DOCK5: variants seen among roughly 807,000 people sequenced by gnomAD.
DOCK5 encodes the protein dedicator of cytokinesis 5.
In DOCK5, 142 loss-of-function variants were observed where a neutral mutation model predicts 251.8. The ratio of observed to expected loss-of-function variants is 0.56; its 90% confidence interval spans 0.49 to 0.65. DOCK5 has a LOEUF of 0.65. DOCK5 is among the 30% of genes least tolerant of loss of function. The probability of loss-of-function intolerance (pLI) is 0.00; values close to 1 mark genes in which losing one functional copy is unlikely to be tolerated. For synonymous variants in DOCK5, 842 were observed against 835.5 expected, an observed-to-expected ratio of 1.01 and a Z score of -0.13; for missense variants, 2,111 against 2,312.3, an observed-to-expected ratio of 0.91 and a Z score of 1.79.
chr8:25,208,868 C>T (rs927656151), intron 1 of DOCK5, among the ~76,000 whole-genome samples: 2 of 152,086 alleles, frequency 1.3e-5, no homozygotes, highest in Admixed American at 1.3e-4. Flanking sequence ...CATTTCTTTG[C>T]CTTCCCTCCC....
chr8:25,340,520 G>A (rs2117230209), intron 22 of DOCK5, among the ~76,000 whole-genome samples: 1 of 152,306 alleles, frequency 6.6e-6, no homozygotes, highest in South Asian at 2.1e-4. Context: ...TTGAGTTGGT[G>A]GACAGATCTT....
chr8:25,190,763 A>G (rs1158580641), intron 1 of DOCK5, among the ~76,000 whole-genome samples: 1 of 113,040 alleles, frequency 8.8e-6, no homozygotes, highest in Non-Finnish European at 1.9e-5. Context: ...GCCTGGCCTT[A>G]ACTTGGTCAT....
At chr8:25,247,199 C>G (rs1031444153) in intron 2 of DOCK5, among the ~76,000 whole-genome samples, 3 of 152,124 alleles carry the variant, frequency 2.0e-5, no homozygotes, top group Non-Finnish European at 2.9e-5. Context: ...CCAGGTGATA[C>G]CTTTAAAATA....
intron 27 of DOCK5, among the ~76,000 whole-genome samples, chr8:25,354,065 C>G (rs535056838): frequency 2.0e-5 from 2 of 99,014 alleles, no homozygotes; most frequent in African/African-American, 4.2e-5. Flanking sequence ...AAAAAAAAAA[C>G]GTAGGAGAGA....
Position 25,363,060 on chromosome 8 carries a change from A to G in DOCK5, c.2963A>G (p.Glu988Gly). 1.2e-6 allele frequency: 2 copies of G among 1,613,952 alleles called. No individual in the cohort carries two copies. Among genetic ancestry groups the G allele is most frequent in the Non-Finnish European group, 1.7e-6 (2 of 1,179,844 alleles). The change falls in exon 29 of 52, where the codon GAA becomes GGA. Residue 988 changes from glutamate to glycine, a missense_variant. Physicochemically the swap from Glu to Gly is moderately conservative, Grantham distance 98. Coordinates refer to ENST00000276440, the MANE Select transcript of DOCK5 (RefSeq NM_024940.8). ...TGTTCTCCGCAGGACTTCCTCATGG[A>G]AACTTTTATCATGTTCAAGGACCTG... The part of the protein sequence containing the change: ...TRQDIIDFLM[E>G]TFIMFKDLIG...
chr8:25,332,379 A>G, intron 19 of DOCK5, 31 bp downstream of exon 19: 1 of 1,519,614 alleles, frequency 6.6e-7, no homozygotes, highest in Non-Finnish European at 9.1e-7. Context: ...TTAGAAATAC[A>G]CATACCTACA....
At chr8:25,365,534 C>T (rs1321156261) in intron 30 of DOCK5, among the ~76,000 whole-genome samples, 1 of 152,194 alleles carries the variant, frequency 6.6e-6, no homozygotes, top group East Asian at 1.9e-4. Context: ...GCAAGTAGCT[C>T]AAGAGCACTG....
At chr8:25,201,832 A>C (rs1385508108) in intron 1 of DOCK5, among the ~76,000 whole-genome samples, 2 of 152,190 alleles carry the variant, frequency 1.3e-5, no homozygotes, top group Non-Finnish European at 2.9e-5. Context: ...ACAGTACCCT[A>C]GCCTGGCAAT....
chr8:25,345,388 A>G lies in DOCK5; in HGVS notation c.2618-87A>G, dbSNP rs567545856. ...GATTGCAGAGCTTAGAGCTACTGGT[A>G]CTGGTCGAGGAAGAGTTGCAGGAAG... On this transcript the variant is annotated intron_variant, in intron 25 of 51. Coordinates refer to ENST00000276440, the MANE Select transcript of DOCK5 (RefSeq NM_024940.8). The G allele has an allele frequency of 5.1e-6, 8 of 1,556,752 alleles. No homozygotes were observed. In the African/African-American group the frequency reaches 1.1e-4, roughly 21 times the overall value.
chr8:25,377,098 G>A (rs1339954505), intron 37 of DOCK5, among the ~76,000 whole-genome samples: 1 of 152,182 alleles, frequency 6.6e-6, no homozygotes, highest in Non-Finnish European at 1.5e-5. Flanking sequence ...CTGGCATTTT[G>A]GGGGGATGCT....
At chr8:25,356,526 G>C (rs1401457138) in intron 27 of DOCK5, among the ~76,000 whole-genome samples, 1 of 152,006 alleles carries the variant, frequency 6.6e-6, no homozygotes, top group Non-Finnish European at 1.5e-5. Context: ...AATTAGCCAG[G>C]CATGGTGACA....
At chr8:25,312,258 C>T (rs948991639) in intron 13 of DOCK5, among the ~76,000 whole-genome samples, 4 of 152,072 alleles carry the variant, frequency 2.6e-5, no homozygotes, top group African/African-American at 9.7e-5. Flanking sequence ...GGTTGTTTTA[C>T]TACTACAACA....
intron 13 of DOCK5, among the ~76,000 whole-genome samples, chr8:25,312,959 A>G (rs77894867): frequency 0.034 from 5,201 of 152,030 alleles, 292 homozygotes; most frequent in African/African-American, 0.12. Flanking sequence ...ATCTAGAACA[A>G]TCGTTTCCAG....
rs1272176673 is a variant in DOCK5 at position 25,341,770 on chromosome 8, T to C, written c.2471T>C (p.Ile824Thr). Residue 824 changes from isoleucine to threonine, a missense_variant, in exon 24 of 52, where the codon ATT (isoleucine) becomes ACT (threonine). By Grantham distance (89) the Ile-to-Thr change is moderately conservative. This residue lies in a region of DOCK5 where 1,717 missense variants were observed against 1,892.4 expected (regional missense o/e 0.91). Coordinates refer to ENST00000276440, the MANE Select transcript of DOCK5 (RefSeq NM_024940.8). ...GAALKYLPSI[I>T]NDVKLVFDPV... Reference sequence around the variant, plus strand: ...GCTTTGAAGTACCTTCCTAGCATAATTAATGATGTCAAACTTGTATTTGAT... The same window carrying C: ...GCTTTGAAGTACCTTCCTAGCATAACTAATGATGTCAAACTTGTATTTGAT... The C allele has an allele frequency of 6.3e-7, 1 of 1,578,702 alleles. No homozygotes were observed. Among genetic ancestry groups the C allele is most frequent in the Non-Finnish European group, 8.6e-7 (1 of 1,160,496 alleles).
At chr8:25,375,198 CT>C in intron 37 of DOCK5, 1 of 181,438 alleles carries the variant, frequency 5.5e-6, no homozygotes, top group Admixed American at 5.7e-5. Context: ...ACCTTTATTT[CT>C]CACTCTTTGC....
At chr8:25,321,687 G>A (rs1805429452) in intron 16 of DOCK5, among the ~76,000 whole-genome samples, 1 of 152,144 alleles carries the variant, frequency 6.6e-6, no homozygotes, top group Non-Finnish European at 1.5e-5. Flanking sequence ...GACAGATGAA[G>A]CTTTGCTTGC....
intron 1 of DOCK5, among the ~76,000 whole-genome samples, chr8:25,195,245 T>G (rs959176971): frequency 2.1e-5 from 3 of 142,156 alleles, no homozygotes; most frequent in African/African-American, 8.5e-5. Context: ...ACTGGACTCC[T>G]TATCACTTTT....
chr8:25,233,793 C>CATA (rs1434675656), intron 1 of DOCK5, among the ~76,000 whole-genome samples: 8 of 152,214 alleles, frequency 5.3e-5, no homozygotes, highest in African/African-American at 1.7e-4. Flanking sequence ...TTTATAAGTA[C>CATA]ATAGTAGGTG....
At chr8:25,369,406 C>G in intron 33 of DOCK5, 150 bp from the exon 34 acceptor site, 2 of 546,198 alleles carry the variant, frequency 3.7e-6, no homozygotes, top group South Asian at 3.0e-5. Context: ...GGCCTTGGTG[C>G]ACAGTTTATG....
Sources: gnomAD v4.1 joint callset for allele counts (sites outside exome capture counted in the v4.1 genomes callset) on GRCh38, gnomAD v4.1.1 for gene constraint, gnomAD v4.1.1 regional missense constraint, MANE v1.5 for transcripts, NCBI Gene and HGNC (gene_info 2026-07-23, HGNC 2026-07-21) for gene names.